The following ULK2 variants were observed in gnomAD, a reference collection of about 807,000 sequenced individuals.
ULK2 encodes the protein serine/threonine-protein kinase ULK2.
A neutral mutation model predicts 127.5 loss-of-function variants in ULK2; 76 were observed. The ratio of observed to expected loss-of-function variants is 0.60; its 90% confidence interval spans 0.50 to 0.72. The LOEUF is 0.72. ULK2 is among the 30% of genes least tolerant of loss of function. The pLI, the probability that ULK2 is intolerant of heterozygous loss-of-function variation, is 0.00. For missense variants in ULK2, 1,144 were observed against 1,295.9 expected (o/e 0.88, Z 1.80); for synonymous variants, 452 against 461.9 (o/e 0.98, Z 0.28).
Position 19,799,536 on chromosome 17 carries a change from C to T in ULK2, c.1481G>A (p.Gly494Glu), listed in dbSNP as rs1233133713. Reference protein sequence around the residue: ...IPEQFSQCCCGHPQGHDSRSR... With the variant: ...IPEQFSQCCCEHPQGHDSRSR... ...CCTGGAGTCATGGCCCTGAGGATGCCCACAGCAGCACTGACTGAATTGCTC... is the reference window on the plus strand; with the variant it reads ...CCTGGAGTCATGGCCCTGAGGATGCTCACAGCAGCACTGACTGAATTGCTC... Residue 494 changes from glycine (G) to glutamate (E), a missense_variant, in exon 17 of 27, where the codon GGG becomes GAG. Physicochemically the swap from Gly to Glu is moderately conservative, Grantham distance 98 (BLOSUM62 -2). This residue lies in a region of ULK2 where 913 missense variants were observed against 970.5 expected (regional missense o/e 0.94). Coordinates refer to ENST00000395544, the MANE Select transcript of ULK2 (RefSeq NM_014683.4). 10 of 1,588,428 alleles carry T rather than the reference C, an allele frequency of 6.3e-6. No homozygotes were observed. Among genetic ancestry groups the T allele is most frequent in the Non-Finnish European group, 8.5e-6 (10 of 1,171,756 alleles).
At position 19,797,555 on chromosome 17, in the gene ULK2, C is replaced by T. The variant is rs1025389322; in HGVS notation, c.1650G>A (p.Val550=). ...ACCCAGCCCCAGTATGGGATGGGCA[C>T]ACGGGGTCAGAGTGCTGTTTTCTGA... is the stretch of plus-strand genomic sequence containing the variant. ...QKLRKQHSDP[V]CPSHTGAGYS... The change falls in exon 18 of 27, where the codon GTG becomes GTA. Residue 550 remains valine, a synonymous_variant. Coordinates refer to ENST00000395544, the MANE Select transcript of ULK2 (RefSeq NM_014683.4). 2.0e-5 allele frequency: 32 copies of T among 1,613,766 alleles called. No homozygotes were observed. In the Admixed American group the frequency reaches 4.7e-4, roughly 24 times the overall value.
rs117388133 is a variant in ULK2 at position 19,824,739 on chromosome 17, G to A, written c.924+355C>T. Among the ~76,000 whole-genome samples, 376 of 152,128 alleles carry A rather than the reference G, an allele frequency of 2.5e-3. 16 individuals are homozygous for A. In the East Asian group the frequency reaches 0.061, roughly 24 times the overall value. On this transcript the variant is annotated intron_variant, in intron 12 of 26. Transcript: ENST00000395544. The stretch of plus-strand genomic sequence containing the variant: ...AAAAAAAATCCAAGCTCATGTCTAC[G>A]GCATTCAGATCAAATAAATATTTAT...
intron 13 of ULK2, chr17:19,816,523 CTA>C (rs1244729991): frequency 3.1e-6 from 1 of 324,170 alleles, no homozygotes; most frequent in East Asian, 5.0e-5. Flanking sequence ...AGATCATTTC[CTA>C]TAAAGTTTTC....
intron 5 of ULK2, among the ~76,000 whole-genome samples, chr17:19,848,731 TG>T: frequency 6.6e-6 from 1 of 151,398 alleles, no homozygotes; most frequent in Middle Eastern, 3.4e-3. Context: ...GAGCCAAGAA[TG>T]CACCACTGCA....
At chr17:19,807,712 A>G (rs1264258955) in intron 14 of ULK2, among the ~76,000 whole-genome samples, 1 of 152,190 alleles carries the variant, frequency 6.6e-6, no homozygotes, top group East Asian at 1.9e-4. Flanking sequence ...TACAATTCCC[A>G]TAATTGAATT....
chr17:19,854,548 T>G (rs954546997), intron 3 of ULK2, among the ~76,000 whole-genome samples: 3 of 152,182 alleles, frequency 2.0e-5, no homozygotes, highest in Non-Finnish European at 4.4e-5. Context: ...TCTGTAGATA[T>G]CCTCAAAAAC....
At chr17:19,858,307 G>A (rs574592337) in intron 3 of ULK2, among the ~76,000 whole-genome samples, 222 of 152,200 alleles carry the variant, frequency 1.5e-3, no homozygotes, top group Non-Finnish European at 2.8e-3. Flanking sequence ...GGCTGAGGTG[G>A]GAGGATGGCT....
chr17:19,791,209 T>G (rs567153051), intron 20 of ULK2, among the ~76,000 whole-genome samples: 94 of 152,216 alleles, frequency 6.2e-4, no homozygotes, highest in Non-Finnish European at 1.0e-3. Flanking sequence ...TCTCAGCTTA[T>G]GGATCATTCT....
rs1597703268 is a variant in ULK2, at chr17:19,780,561, T to A, written c.2827A>T (p.Asn943Tyr). ...TMCKKLTEKL[N>Y]RFFSDKQRFI... ...CTCTGTTTGTCAGAGAAGAATCGATTCAGCTTTTCTGTAAGTTTCTTGCAC... is the reference window on the plus strand; with the variant it reads ...CTCTGTTTGTCAGAGAAGAATCGATACAGCTTTTCTGTAAGTTTCTTGCAC... The change falls in exon 25 of 27, where the codon AAT becomes TAT. Residue 943 changes from asparagine to tyrosine, a missense_variant. Physicochemically the swap from Asn to Tyr is moderately radical, Grantham distance 143. Coordinates refer to ENST00000395544, the MANE Select transcript of ULK2 (RefSeq NM_014683.4). 6.2e-7 allele frequency: 1 copy of A among 1,614,018 alleles called. No homozygotes were observed. Among genetic ancestry groups the A allele is most frequent in the Non-Finnish European group, 8.5e-7 (1 of 1,179,964 alleles).
intron 13 of ULK2, among the ~76,000 whole-genome samples, chr17:19,812,133 T>G (rs116858559): frequency 7.9e-4 from 120 of 152,222 alleles, no homozygotes; most frequent in Non-Finnish European, 1.4e-3. Context: ...TCCAAAATGC[T>G]TAGTAATCAG....
chr17:19,844,310 T>C (rs577884435), intron 7 of ULK2, among the ~76,000 whole-genome samples: 1 of 152,226 alleles, frequency 6.6e-6, no homozygotes, highest in Non-Finnish European at 1.5e-5. Context: ...CTTTAATTCT[T>C]TGTGGAAATG....
intron 13 of ULK2, among the ~76,000 whole-genome samples, chr17:19,814,427 TATATA>T (rs2040919925): frequency 6.2e-5 from 1 of 16,016 alleles, no homozygotes; most frequent in Non-Finnish European, 1.2e-4. Context: ...TATATATATA[TATATA>T]TATATATTTT....
intron 1 of ULK2, among the ~76,000 whole-genome samples, chr17:19,866,138 GAA>G (rs781447081): frequency 3.3e-5 from 5 of 152,146 alleles, no homozygotes; most frequent in Non-Finnish European, 7.4e-5. Context: ...ACAGTTAATT[GAA>G]AAGTTATTTG....
At chr17:19,826,722 G>A (rs536780918) in intron 10 of ULK2, among the ~76,000 whole-genome samples, 17 of 152,318 alleles carry the variant, frequency 1.1e-4, no homozygotes, top group African/African-American at 3.1e-4. Flanking sequence ...TTGGGAGGCC[G>A]AGGCAGGCAG....
Position 19,780,627 on chromosome 17 carries a change from C to A in ULK2, c.2761G>T (p.Val921Phe). 1.3e-6 allele frequency: 2 copies of A among 1,593,440 alleles called. No individual in the cohort carries two copies. The highest frequency in any genetic ancestry group is 1.8e-5 in the Admixed American group (1 of 55,096). ...TTATATCGTTCGTTCAGATTCTTGA[C>A]AACTGAAAAAAAATTGAGATGGGAA... is the stretch of plus-strand genomic sequence containing the variant. ...LSPSTAVKQV[V>F]KNLNERYKFC... The change falls in exon 25 of 27, where the codon GTC becomes TTC. Residue 921 changes from valine to phenylalanine, a missense_variant and splice_region_variant. This residue lies in a region of ULK2 where 913 missense variants were observed against 970.5 expected (regional missense o/e 0.94). Coordinates refer to ENST00000395544, the MANE Select transcript of ULK2 (RefSeq NM_014683.4).
intron 20 of ULK2, among the ~76,000 whole-genome samples, chr17:19,795,075 T>C (rs1249252139): frequency 6.6e-6 from 1 of 150,720 alleles, no homozygotes; most frequent in East Asian, 1.9e-4. Context: ...CGAGACTTCA[T>C]CTCCCAAAAA....
chr17:19,812,869 T>A (rs1209026956), intron 13 of ULK2, among the ~76,000 whole-genome samples: 1 of 152,168 alleles, frequency 6.6e-6, no homozygotes, highest in Non-Finnish European at 1.5e-5. Context: ...GAATTTTATA[T>A]CCTTTCCCCA....
intron 5 of ULK2, among the ~76,000 whole-genome samples, chr17:19,847,391 G>A (rs1015969944): frequency 6.6e-6 from 1 of 152,108 alleles, no homozygotes; most frequent in East Asian, 1.9e-4. Flanking sequence ...TGCCTGTGAG[G>A]CATCTGTGTT....
intron 17 of ULK2, 131 bp downstream of exon 17, chr17:19,799,364 G>T: frequency 1.3e-6 from 1 of 742,438 alleles, no homozygotes; most frequent in Non-Finnish European, 2.0e-6. Context: ...ATTAGACCAA[G>T]ATTCTAAAAA....
Sources: gnomAD v4.1 joint callset for allele counts (sites outside exome capture counted in the v4.1 genomes callset) on GRCh38, gnomAD v4.1.1 for gene constraint, gnomAD v4.1.1 regional missense constraint, MANE v1.5 for transcripts, NCBI Gene and HGNC (gene_info 2026-07-23, HGNC 2026-07-21) for gene names.